The following ADAM20 variants were observed in gnomAD, a reference collection of about 807,000 sequenced individuals.
The protein encoded by ADAM20 is ADAM metallopeptidase domain 20, also known as disintegrin and metalloproteinase domain-containing protein 20.
For missense variants in ADAM20, 871 were observed against 883.2 expected, an observed-to-expected ratio of 0.99 and a Z score of 0.18; for synonymous variants, 305 against 310.2, an observed-to-expected ratio of 0.98 and a Z score of 0.18.
At chr14:70,569,901 A>C in the ADAM20 span, among the ~76,000 whole-genome samples, 10 of 147,628 alleles carry the variant, frequency 6.8e-5, no homozygotes, top group African/African-American at 1.5e-4. Flanking sequence ...AAAAAAAAAA[A>C]AAAAAAAAAA....
chr14:70,555,594 C>G, the ADAM20 span, among the ~76,000 whole-genome samples: 16 of 152,288 alleles, frequency 1.1e-4, no homozygotes, highest in East Asian at 2.9e-3. Flanking sequence ...TATCAGTTCT[C>G]TGTGGAAACA....
chr14:70,539,971 G>A (rs375937864), upstream of ADAM20, among the ~76,000 whole-genome samples: 8 of 152,146 alleles, frequency 5.3e-5, no homozygotes, highest in South Asian at 2.1e-4. Flanking sequence ...ACAACCTGCC[G>A]ATCCGCCTGG....
chr14:70,553,537 A>AG, the ADAM20 span, among the ~76,000 whole-genome samples: 1 of 149,056 alleles, frequency 6.7e-6, no homozygotes, highest in East Asian at 1.9e-4. Context: ...AAAAAAAAAA[A>AG]AAAAAAAAAA....
rs757171044 is a variant in ADAM20 at position 70,522,567 on chromosome 14, C to G, written c.*10G>C. ...TATAAAGTTTAGTCTCCTTCTTTTT[C>G]CCATTTCTCTTATCCTTCTTCATCT... On this transcript the variant is annotated 3_prime_UTR_variant, in exon 2 of 2. Coordinates refer to ENST00000256389, the MANE Select transcript of ADAM20 (RefSeq NM_003814.5). 2 of 1,554,148 alleles carry G rather than the reference C, an allele frequency of 1.3e-6. No individual in the cohort carries two copies. Among genetic ancestry groups the G allele is most frequent in the Admixed American group, 4.3e-5 (2 of 46,944 alleles).
chr14:70,571,397 C>A, the ADAM20 span, among the ~76,000 whole-genome samples: 1 of 152,184 alleles, frequency 6.6e-6, no homozygotes, highest in Admixed American at 6.5e-5. Flanking sequence ...TCCCCCGCCA[C>A]CTTCTCTCTG....
the ADAM20 span, among the ~76,000 whole-genome samples, chr14:70,570,519 T>C: frequency 0.017 from 2,606 of 152,228 alleles, 68 homozygotes; most frequent in African/African-American, 0.058. Context: ...CTAGGAAACC[T>C]AGGAGAAATG....
chr14:70,524,395 G>A lies in ADAM20; in HGVS notation c.363C>T (p.Ser121=), dbSNP rs867886971. The A allele has an allele frequency of 1.2e-6, 2 of 1,613,944 alleles. No homozygotes were observed. Among genetic ancestry groups the A allele is most frequent in the Non-Finnish European group, 1.7e-6 (2 of 1,179,916 alleles). The change falls in exon 2 of 2, where the codon TCC becomes TCT. Residue 121 remains serine (S), a synonymous_variant. Transcript: ENST00000256389. ...YHGYVEGVPE[S]LVALSTCSGG... ...CAGAACAGGTACTAAGGGCAACCAA[G>A]GACTCAGGGACCCCCTCCACATAAC... is the stretch of plus-strand genomic sequence containing the variant.
the ADAM20 span, among the ~76,000 whole-genome samples, chr14:70,544,076 G>C: frequency 6.6e-6 from 1 of 151,414 alleles, no homozygotes; most frequent in Non-Finnish European, 1.5e-5. Context: ...CCTCCAGCTG[G>C]AGAGATGTCA....
the ADAM20 span, among the ~76,000 whole-genome samples, chr14:70,565,900 C>T: frequency 5.3e-5 from 8 of 151,286 alleles, no homozygotes; most frequent in South Asian, 2.1e-4. Context: ...CCACAGGTAC[C>T]GGGGGATCAC....
chr14:70,530,627 T>C (rs1302658246), intron 1 of ADAM20, among the ~76,000 whole-genome samples: 1 of 151,960 alleles, frequency 6.6e-6, no homozygotes, highest in South Asian at 2.1e-4. Context: ...CACTAGACAA[T>C]AGGAATTTTT....
the ADAM20 span, among the ~76,000 whole-genome samples, chr14:70,568,942 G>A: frequency 6.6e-6 from 1 of 151,938 alleles, no homozygotes; most frequent in African/African-American, 2.4e-5. Context: ...CCAGATATAA[G>A]AAACTGAGAG....
At chr14:70,555,030 T>G in the ADAM20 span, among the ~76,000 whole-genome samples, 1 of 152,124 alleles carries the variant, frequency 6.6e-6, no homozygotes, top group Non-Finnish European at 1.5e-5. Flanking sequence ...GAGGATGAAG[T>G]GAAGTTACGA....
chr14:70,523,600 G>A lies in ADAM20; in HGVS notation c.1158C>T (p.Asp386=), dbSNP rs758174796. 6.2e-6 allele frequency: 10 copies of A among 1,613,978 alleles called. No homozygotes were observed. The highest frequency in any genetic ancestry group is 8.5e-6 in the Non-Finnish European group (10 of 1,179,974). The change falls in exon 2 of 2, where the codon GAC becomes GAT. Residue 386 remains aspartate (D), a synonymous_variant. Coordinates refer to ENST00000256389, the MANE Select transcript of ADAM20 (RefSeq NM_003814.5). ...FSNCSYAQYW[D]STISSGLCIQ... ...TACATAATCCACTACTGATAGTACTGTCCCAATATTGGGCATAACTGCAGT... is the reference window on the plus strand; with the variant it reads ...TACATAATCCACTACTGATAGTACTATCCCAATATTGGGCATAACTGCAGT...
At chr14:70,563,008 G>A in the ADAM20 span, among the ~76,000 whole-genome samples, 18 of 152,290 alleles carry the variant, frequency 1.2e-4, no homozygotes, top group African/African-American at 4.3e-4. Flanking sequence ...CCTACAGTAG[G>A]ATATTCATTA....
the ADAM20 span, among the ~76,000 whole-genome samples, chr14:70,564,803 T>G: frequency 7.4e-6 from 1 of 134,466 alleles, no homozygotes; most frequent in African/African-American, 2.8e-5. Context: ...TCCCAGCTAC[T>G]CAAGAGGCTG....
chr14:70,563,929 A>G, the ADAM20 span, among the ~76,000 whole-genome samples: 1 of 152,244 alleles, frequency 6.6e-6, no homozygotes, highest in Admixed American at 6.5e-5. Flanking sequence ...AGGGCCTAAT[A>G]CAAAGAGCAA....
At chr14:70,529,583 C>A (rs1043479069) in intron 1 of ADAM20, among the ~76,000 whole-genome samples, 1 of 152,284 alleles carries the variant, frequency 6.6e-6, no homozygotes, top group South Asian at 2.1e-4. Context: ...TGCTACTATA[C>A]TGAATACTAT....
chr14:70,540,558 T>C, the ADAM20 span, among the ~76,000 whole-genome samples: 2 of 152,336 alleles, frequency 1.3e-5, no homozygotes, highest in South Asian at 2.1e-4. Context: ...ACATTTGTCA[T>C]AGAGGCTACA....
the ADAM20 span, among the ~76,000 whole-genome samples, chr14:70,542,393 A>G: frequency 1.3e-5 from 2 of 152,196 alleles, no homozygotes; most frequent in Admixed American, 1.3e-4. Flanking sequence ...TTGACTTATG[A>G]AGCTAATAAA....
Sources: allele counts gnomAD v4.1 joint callset (sites outside exome capture counted in the v4.1 genomes callset), GRCh38; gene constraint gnomAD v4.1.1; transcripts MANE v1.5; gene names NCBI Gene and HGNC (gene_info 2026-07-23, HGNC 2026-07-21).